CAMK4: variants seen among roughly 807,000 people sequenced by gnomAD.
CAMK4 encodes calcium/calmodulin dependent protein kinase IV.
CAMK4 carries 22 observed loss-of-function variants against 44.9 expected under a neutral mutation model. The ratio of observed to expected loss-of-function variants is 0.49; its 90% CI spans 0.35 to 0.70. The LOEUF is 0.70. CAMK4 is among the 30% of genes least tolerant of loss of function. The pLI, the probability that CAMK4 is intolerant of heterozygous loss-of-function variation, is 0.01. For missense variants in CAMK4, 498 were observed against 586.8 expected, an observed-to-expected ratio of 0.85 and a Z score of 1.56; for synonymous variants, 218 against 215.4, an observed-to-expected ratio of 1.01 and a Z score of -0.11.
At chr5:111,299,403 T>C (rs1443383879) in intron 1 of CAMK4, among the ~76,000 whole-genome samples, 2 of 152,170 alleles carry the variant, frequency 1.3e-5, no homozygotes, top group Non-Finnish European at 2.9e-5. Context: ...CCTCGAGTGT[T>C]TTCCCAGCTA....
chr5:111,393,212 T>C (rs1751872654), intron 4 of CAMK4, among the ~76,000 whole-genome samples: 1 of 152,208 alleles, frequency 6.6e-6, no homozygotes, highest in Non-Finnish European at 1.5e-5. Context: ...ATTACTGTTA[T>C]TGTCAACATG....
At chr5:111,343,767 C>T (rs1159350335) in intron 1 of CAMK4, among the ~76,000 whole-genome samples, 1 of 151,592 alleles carries the variant, frequency 6.6e-6, no homozygotes, top group East Asian at 1.9e-4. Flanking sequence ...ATGCAGTAGC[C>T]CTAGTTATGT....
chr5:111,421,819 A>G (rs1027133992), intron 5 of CAMK4, among the ~76,000 whole-genome samples: 1 of 152,104 alleles, frequency 6.6e-6, no homozygotes, highest in African/African-American at 2.4e-5. Context: ...CATGGGAGGG[A>G]CCCTGTTGGA....
At chr5:111,353,725 G>T (rs1353168670) in intron 2 of CAMK4, among the ~76,000 whole-genome samples, 1 of 130,140 alleles carries the variant, frequency 7.7e-6, no homozygotes, top group South Asian at 2.9e-4. Context: ...ATCTGAAAAA[G>T]AAATTAAGAA....
intron 5 of CAMK4, among the ~76,000 whole-genome samples, chr5:111,429,177 G>A (rs1274319627): frequency 5.3e-5 from 8 of 151,992 alleles, no homozygotes; most frequent in African/African-American, 1.9e-4. Flanking sequence ...AAAAAAAAGT[G>A]CAAAAGATCA....
chr5:111,424,979 C>G (rs575137919), intron 5 of CAMK4, among the ~76,000 whole-genome samples: 1 of 151,974 alleles, frequency 6.6e-6, no homozygotes, highest in African/African-American at 2.4e-5. Flanking sequence ...GCCTGGCCAA[C>G]ATGGCAAAAC....
At chr5:111,394,103 C>T (rs1751909519) in intron 4 of CAMK4, among the ~76,000 whole-genome samples, 1 of 151,858 alleles carries the variant, frequency 6.6e-6, no homozygotes, top group South Asian at 2.1e-4. Flanking sequence ...TTTCATGGAC[C>T]TTATTTGGAT....
chr5:111,250,329 T>C (rs960531123), intron 1 of CAMK4, among the ~76,000 whole-genome samples: 8 of 152,196 alleles, frequency 5.3e-5, no homozygotes, highest in Admixed American at 5.2e-4. Flanking sequence ...TTCTCTTACC[T>C]GATTGAAGGC....
chr5:111,351,473 T>G (rs147082205), intron 2 of CAMK4, among the ~76,000 whole-genome samples: 5,464 of 151,844 alleles, frequency 0.036, 127 homozygotes, highest in South Asian at 0.065. Context: ...TGGCGCCATC[T>G]TGGCTCACTG....
At chr5:111,300,230 C>G (rs910602204) in intron 1 of CAMK4, among the ~76,000 whole-genome samples, 1 of 152,098 alleles carries the variant, frequency 6.6e-6, no homozygotes, top group Non-Finnish European at 1.5e-5. Context: ...AGCTGTGAAA[C>G]GAGACAGAAT....
rs1383849120 is a variant in CAMK4, at chr5:111,486,611, TC to T, written c.*2146del. 6.6e-6 allele frequency: 1 copy of T among 151,540 alleles called. No individual in the cohort carries two copies. The highest frequency in any genetic ancestry group is 1.5e-5 in the Non-Finnish European group (1 of 68,072). 9.4% of individuals were successfully genotyped at this position (151,540 alleles called of 1,614,324 possible). A position where few individuals can be genotyped will look rare whatever the true frequency, so the allele number is the denominator to read the frequency against. On this transcript the variant is annotated 3_prime_UTR_variant, in exon 11 of 11. Transcript: ENST00000282356. ...TGGCACTTGGCGCTTAGCTGAAAGA[TC>T]AGAACACATCATTCCTCCCTGCCCA... is the stretch of plus-strand genomic sequence containing the variant.
At chr5:111,287,415 A>C (rs1000077875) in intron 1 of CAMK4, among the ~76,000 whole-genome samples, 8 of 152,234 alleles carry the variant, frequency 5.3e-5, no homozygotes, top group African/African-American at 1.9e-4. Flanking sequence ...CATATTTCAA[A>C]AGAAAATGCA....
intron 1 of CAMK4, among the ~76,000 whole-genome samples, chr5:111,303,320 C>T (rs1165379404): frequency 7.7e-6 from 1 of 129,466 alleles, no homozygotes; most frequent in Admixed American, 7.9e-5. Flanking sequence ...ACATTCAAAC[C>T]AAAGGCAAAG....
intron 5 of CAMK4, among the ~76,000 whole-genome samples, chr5:111,407,774 G>A (rs192219893): frequency 1.3e-5 from 2 of 152,098 alleles, no homozygotes; most frequent in African/African-American, 2.4e-5. Context: ...TAGATATATA[G>A]ATATAGTTTA....
At chr5:111,288,009 C>T (rs138625293) in intron 1 of CAMK4, among the ~76,000 whole-genome samples, 207 of 152,092 alleles carry the variant, frequency 1.4e-3, no homozygotes, top group African/African-American at 4.9e-3. Context: ...CAAAGTGTGC[C>T]GTTCTAAATA....
Position 111,482,839 on chromosome 5 carries a change from C to G in CAMK4, c.883C>G (p.Leu295Val), listed in dbSNP as rs1405569625. 2 of 1,612,662 alleles carry G rather than the reference C, an allele frequency of 1.2e-6. No individual in the cohort carries two copies. Among genetic ancestry groups the G allele is most frequent in the African/African-American group, 2.7e-5 (2 of 74,842 alleles). ...GAAACGGCTGACTACATTTCAAGCT[C>G]TCCAGCATCCGTGGGTCACAGGTAA... ...PKKRLTTFQA[L>V]QHPWVTGKAA... The change falls in exon 10 of 11, where the codon CTC becomes GTC. Residue 295 changes from leucine (L) to valine (V), a missense_variant. This residue lies in a region of CAMK4 where 203 missense variants were observed against 298.2 expected (regional missense o/e 0.68). Coordinates refer to ENST00000282356, the MANE Select transcript of CAMK4 (RefSeq NM_001744.6). The surrounding 1 kb of genome is among the most constrained non-coding windows in gnomAD (Gnocchi z 4.9).
intron 1 of CAMK4, among the ~76,000 whole-genome samples, chr5:111,296,716 C>T (rs1747498100): frequency 6.6e-6 from 1 of 152,096 alleles, no homozygotes; most frequent in African/African-American, 2.4e-5. Flanking sequence ...AAAAACAGAA[C>T]ACAACCCTCA....
chr5:111,293,703 G>GATT (rs1363597628), intron 1 of CAMK4, among the ~76,000 whole-genome samples: 2 of 146,034 alleles, frequency 1.4e-5, no homozygotes, highest in African/African-American at 5.1e-5. Flanking sequence ...GTGATTATGT[G>GATT]ATTACAGGCG....
intron 8 of CAMK4, 66 bp from the exon 9 acceptor site, chr5:111,478,315 C>T (rs1157281833): frequency 1.9e-6 from 2 of 1,068,274 alleles, no homozygotes; most frequent in African/African-American, 1.6e-5. Flanking sequence ...TGAATTCCTA[C>T]AGAAATTGGA....
Sources: allele counts gnomAD v4.1 joint callset (sites outside exome capture counted in the v4.1 genomes callset), GRCh38; gene constraint gnomAD v4.1.1; regional missense constraint gnomAD v4.1.1; non-coding constraint Gnocchi (gnomAD v3.1); transcripts MANE v1.5; gene names NCBI Gene and HGNC (gene_info 2026-07-23, HGNC 2026-07-21).